The following ARHGAP32 variants were observed in gnomAD, a reference collection of about 807,000 sequenced individuals.
The protein encoded by ARHGAP32 is Rho GTPase activating protein 32.
Under a neutral mutation model 186.5 loss-of-function variants are expected in ARHGAP32, and 51 were observed. The observed-to-expected ratio is 0.27, with a 90% CI of 0.22 to 0.35. ARHGAP32 has a LOEUF of 0.35. Among genes scored for constraint, ARHGAP32 ranks in the 10% least tolerant of loss-of-function variants. The probability of loss-of-function intolerance (pLI) is 1.00; values close to 1 mark genes in which losing one functional copy is unlikely to be tolerated. For synonymous variants in ARHGAP32, 950 were observed against 964.3 expected, an observed-to-expected ratio of 0.99 and a Z score of 0.27; for missense variants, 2,186 against 2,623.5, an observed-to-expected ratio of 0.83 and a Z score of 3.64.
chr11:128,975,983 C>T (rs950646387), intron 20 of ARHGAP32, among the ~76,000 whole-genome samples: 1 of 151,958 alleles, frequency 6.6e-6, no homozygotes, highest in East Asian at 1.9e-4. Context: ...GAGGCTGAGG[C>T]AAGATAATCA....
intron 8 of ARHGAP32, among the ~76,000 whole-genome samples, chr11:129,064,461 T>A (rs1180691821): frequency 6.6e-6 from 1 of 152,126 alleles, no homozygotes; most frequent in Non-Finnish European, 1.5e-5. Context: ...TACTGAATAA[T>A]GTTTCACTCA....
chr11:129,218,888 C>T (rs1195110178), intron 1 of ARHGAP32, among the ~76,000 whole-genome samples: 2 of 152,020 alleles, frequency 1.3e-5, no homozygotes, highest in African/African-American at 2.4e-5. Context: ...TGAGGGAGTG[C>T]GGGTGAGAAG....
At chr11:129,000,381 A>G (rs1946322450) in intron 11 of ARHGAP32, among the ~76,000 whole-genome samples, 1 of 152,236 alleles carries the variant, frequency 6.6e-6, no homozygotes, top group African/African-American at 2.4e-5. Context: ...TCATGAGCTC[A>G]AAGATTAGCT....
At chr11:129,234,241 A>G (rs2135644610) in intron 1 of ARHGAP32, among the ~76,000 whole-genome samples, 1 of 152,260 alleles carries the variant, frequency 6.6e-6, no homozygotes, top group South Asian at 2.1e-4. Context: ...ACTGTAAACT[A>G]TTACATTTCA....
intron 11 of ARHGAP32, among the ~76,000 whole-genome samples, chr11:129,033,384 C>T (rs1939193514): frequency 6.6e-6 from 1 of 152,248 alleles, no homozygotes; most frequent in Middle Eastern, 3.4e-3. Context: ...TATGAGAATT[C>T]CTATTAATGT....
At chr11:129,150,400 G>T (rs1203081457) in intron 2 of ARHGAP32, among the ~76,000 whole-genome samples, 1 of 152,058 alleles carries the variant, frequency 6.6e-6, no homozygotes, top group African/African-American at 2.4e-5. Context: ...GGTGAGGCTG[G>T]CCTGGCTCCT....
chr11:129,136,675 G>A (rs1942942140), intron 2 of ARHGAP32, among the ~76,000 whole-genome samples: 1 of 151,906 alleles, frequency 6.6e-6, no homozygotes, highest in Admixed American at 6.6e-5. Context: ...TTTGTTTCAA[G>A]AATGCAAAGA....
intron 20 of ARHGAP32, among the ~76,000 whole-genome samples, chr11:128,975,441 G>A (rs954678209): frequency 5.3e-5 from 8 of 151,270 alleles, no homozygotes; most frequent in Non-Finnish European, 1.2e-4. Context: ...TTTTTTGTGG[G>A]GAAACATCCT....
At chr11:129,200,046 C>T (rs796207902) in intron 1 of ARHGAP32, among the ~76,000 whole-genome samples, 28 of 152,194 alleles carry the variant, frequency 1.8e-4, no homozygotes, top group African/African-American at 6.7e-4. Flanking sequence ...CCCTGTAGCC[C>T]CTTTGGTTTG....
intron 1 of ARHGAP32, among the ~76,000 whole-genome samples, chr11:129,188,241 C>A (rs149805482): frequency 0.011 from 1,722 of 152,280 alleles, 33 homozygotes; most frequent in African/African-American, 0.039. Flanking sequence ...CAGGTGTGAG[C>A]CACCATGCCC....
chr11:129,235,937 A>ACACACACT (rs1333674447), intron 1 of ARHGAP32, among the ~76,000 whole-genome samples: 7 of 134,254 alleles, frequency 5.2e-5, no homozygotes, highest in African/African-American at 1.9e-4. Flanking sequence ...ACACACACAC[A>ACACACACT]CACTCACACA....
chr11:129,194,959 G>GTTGTT (rs1197517802), upstream of ARHGAP32, among the ~76,000 whole-genome samples: 17 of 130,418 alleles, frequency 1.3e-4, no homozygotes, highest in African/African-American at 3.1e-4. Context: ...GGGGGGGGGG[G>GTTGTT]TTGTTTTGTT....
intron 6 of ARHGAP32, among the ~76,000 whole-genome samples, chr11:129,067,387 T>G (rs1379085235): frequency 2.0e-5 from 3 of 152,094 alleles, no homozygotes; most frequent in Admixed American, 2.0e-4. Context: ...GGCCTTCCTT[T>G]CTTTGCCCAA....
chr11:129,157,098 T>C (rs1943426282), intron 2 of ARHGAP32, among the ~76,000 whole-genome samples: 1 of 152,014 alleles, frequency 6.6e-6, no homozygotes, highest in Non-Finnish European at 1.5e-5. Flanking sequence ...ACACCAAAGG[T>C]AGATAAATCC....
At chr11:129,248,198 C>T (rs1202076817) in intron 1 of ARHGAP32, among the ~76,000 whole-genome samples, 1 of 137,982 alleles carries the variant, frequency 7.2e-6, no homozygotes, top group Admixed American at 7.4e-5. Context: ...GTAGTCCCAG[C>T]TACTTGGCTG....
In ARHGAP32 at chr11:129,192,309, T is replaced by C; in HGVS notation, c.-111A>G. 4 of 734,140 alleles carry C rather than the reference T, an allele frequency of 5.4e-6. No individual in the cohort carries two copies. The highest frequency in any genetic ancestry group is 1.6e-5 in the South Asian group (1 of 61,174). 45.5% of individuals were successfully genotyped at this position (734,140 alleles called of 1,614,324 possible). A position where few individuals can be genotyped will look rare whatever the true frequency, so the allele number is the denominator to read the frequency against. On this transcript the variant is annotated 5_prime_UTR_variant, in exon 1 of 23. Coordinates refer to ENST00000682385, the MANE Select transcript of ARHGAP32 (RefSeq NM_001378024.1). ...ATACTCAGATGTGTGTCTGGTGCCC[T>C]AGTGACAGGTACTGGTGCTGGTTTA...
chr11:129,053,077 T>C (rs575463240), intron 10 of ARHGAP32, among the ~76,000 whole-genome samples: 1 of 151,432 alleles, frequency 6.6e-6, no homozygotes, highest in East Asian at 1.9e-4. Flanking sequence ...TAAAGTATAA[T>C]AAAAAAAAGA....
intron 11 of ARHGAP32, among the ~76,000 whole-genome samples, chr11:129,039,919 G>T (rs1471505769): frequency 6.6e-6 from 1 of 152,100 alleles, no homozygotes; most frequent in East Asian, 1.9e-4. Context: ...CTGTTTTGAA[G>T]CATTTTCTCT....
At chr11:129,243,709 T>C (rs1439986379) in intron 1 of ARHGAP32, among the ~76,000 whole-genome samples, 1 of 152,182 alleles carries the variant, frequency 6.6e-6, no homozygotes, top group Non-Finnish European at 1.5e-5. Context: ...ACTAGATACC[T>C]GCTTTGTTTT....
Sources: gnomAD v4.1 joint callset for allele counts (sites outside exome capture counted in the v4.1 genomes callset) on GRCh38, gnomAD v4.1.1 for gene constraint, MANE v1.5 for transcripts, NCBI Gene and HGNC (gene_info 2026-07-23, HGNC 2026-07-21) for gene names.